PIK3C2G: variants seen among roughly 807,000 people sequenced by gnomAD.
PIK3C2G encodes phosphatidylinositol-4-phosphate 3-kinase catalytic subunit type 2 gamma.
Under a neutral mutation model 181.1 loss-of-function variants are expected in PIK3C2G, and 168 were observed. The ratio of observed to expected loss-of-function variants is 0.93; its 90% confidence interval spans 0.82 to 1.05. The LOEUF (loss-of-function observed/expected upper bound fraction) is 1.05, where lower values mean the gene tolerates loss of function less well. Ranked by LOEUF, PIK3C2G falls within the 50% of genes least tolerant of loss-of-function variation. PIK3C2G has a pLI of 0.00. For missense variants in PIK3C2G, 1,869 were observed against 1,732.8 expected (o/e 1.08, Z -1.40); for synonymous variants, 573 against 592.2 (o/e 0.97, Z 0.47).
intron 10 of PIK3C2G, among the ~76,000 whole-genome samples, chr12:18,345,633 C>G (rs1486002800): frequency 6.6e-6 from 1 of 152,122 alleles, no homozygotes; most frequent in African/African-American, 2.4e-5. Flanking sequence ...TAGCTCTTTG[C>G]ACTATTTTCA....
At chr12:18,358,701 CA>C in intron 11 of PIK3C2G, 1 of 474,960 alleles carries the variant, frequency 2.1e-6, no homozygotes, top group Non-Finnish European at 4.2e-6. Context: ...TTCCAGGAAC[CA>C]AAGAAAGAGC....
chr12:18,390,743 T>C (rs1402621528), intron 14 of PIK3C2G, among the ~76,000 whole-genome samples: 1 of 152,134 alleles, frequency 6.6e-6, no homozygotes, highest in Admixed American at 6.5e-5. Flanking sequence ...TTACCAATGT[T>C]AAATTTCATC....
the PIK3C2G span, among the ~76,000 whole-genome samples, chr12:18,684,482 C>T: frequency 6.6e-6 from 1 of 151,872 alleles, no homozygotes; most frequent in South Asian, 2.1e-4. Context: ...GGGCAATGTT[C>T]TAAGAATGGA....
chr12:18,335,046 C>A (rs146413921), intron 8 of PIK3C2G, among the ~76,000 whole-genome samples: 2 of 152,154 alleles, frequency 1.3e-5, no homozygotes, highest in East Asian at 3.9e-4. Flanking sequence ...AGAGCACAGA[C>A]GAGGGTTCAG....
chr12:18,609,396 A>G, intron 30 of PIK3C2G, 139 bp from the exon 31 acceptor site: 1 of 583,132 alleles, frequency 1.7e-6, no homozygotes. Flanking sequence ...CCTGAAGAGC[A>G]TTAAGATTCT....
intron 29 of PIK3C2G, among the ~76,000 whole-genome samples, chr12:18,580,998 C>T: frequency 6.6e-6 from 1 of 152,124 alleles, no homozygotes; most frequent in East Asian, 1.9e-4. Flanking sequence ...TGTTATATTA[C>T]ATTACTTCTG....
the PIK3C2G span, among the ~76,000 whole-genome samples, chr12:18,686,509 C>CT: frequency 6.6e-6 from 1 of 151,354 alleles, no homozygotes; most frequent in East Asian, 1.9e-4. Flanking sequence ...TATTTTAGGA[C>CT]TTGTGTTCTG....
At chr12:18,360,009 A>G (rs1565634952) in intron 11 of PIK3C2G, among the ~76,000 whole-genome samples, 1 of 151,722 alleles carries the variant, frequency 6.6e-6, no homozygotes, top group East Asian at 1.9e-4. Flanking sequence ...CATTTTGTCC[A>G]TTGTTTTCTG....
At position 18,349,261 on chromosome 12, in the gene PIK3C2G, G is replaced by A. The variant is rs914369662; in HGVS notation, c.1625+2425G>A. On this transcript the variant is annotated intron_variant, in intron 11 of 32. Transcript: ENST00000538779. ...GGGCTATCTTGGAGGCAAGACACCT[G>A]GGAAGAAACCAGGCCAGAGGTATCT... 3.9e-5 allele frequency among the ~76,000 whole-genome samples: 6 copies of A among 152,244 alleles called. No homozygotes were observed. In the East Asian group the frequency reaches 9.7e-4, roughly 25 times the overall value.
chr12:18,418,776 C>T (rs1945315130), intron 16 of PIK3C2G, among the ~76,000 whole-genome samples: 1 of 152,046 alleles, frequency 6.6e-6, no homozygotes, highest in African/African-American at 2.4e-5. Context: ...GGAACCATAA[C>T]TAAATGAGCC....
At chr12:18,329,657 T>C (rs896560160) in intron 8 of PIK3C2G, among the ~76,000 whole-genome samples, 3 of 152,074 alleles carry the variant, frequency 2.0e-5, no homozygotes, top group African/African-American at 7.2e-5. Context: ...TGGACTTCAA[T>C]TTATCTATCC....
chr12:18,404,790 G>A (rs1012105471), intron 16 of PIK3C2G, among the ~76,000 whole-genome samples: 1 of 152,068 alleles, frequency 6.6e-6, no homozygotes, highest in African/African-American at 2.4e-5. Flanking sequence ...GGCATACCAT[G>A]GAATTTTGTT....
chr12:18,530,849 C>A (rs1178110124), intron 24 of PIK3C2G, among the ~76,000 whole-genome samples: 1 of 152,076 alleles, frequency 6.6e-6, no homozygotes, highest in Admixed American at 6.6e-5. Flanking sequence ...TGAGGCCTCC[C>A]CATCCATGCC....
At chr12:18,268,817 C>T (rs529571111) in intron 1 of PIK3C2G, among the ~76,000 whole-genome samples, 20 of 152,192 alleles carry the variant, frequency 1.3e-4, no homozygotes, top group Non-Finnish European at 2.1e-4. Context: ...CTACATTTGC[C>T]TTCCAAAAAA....
At chr12:18,656,543 C>T in the PIK3C2G span, among the ~76,000 whole-genome samples, 2,779 of 151,668 alleles carry the variant, frequency 0.018, 34 homozygotes, top group Middle Eastern at 0.048. Context: ...CCAGCCTGGG[C>T]GACAGAGCGA....
intron 18 of PIK3C2G, among the ~76,000 whole-genome samples, chr12:18,469,247 A>T (rs561019769): frequency 6.6e-6 from 1 of 152,210 alleles, no homozygotes; most frequent in Non-Finnish European, 1.5e-5. Flanking sequence ...GTTGCCTGAG[A>T]GACCCATTTC....
At chr12:18,609,503 C>G (rs770658412) in intron 30 of PIK3C2G, 32 bp from the exon 31 acceptor site, 11 of 1,311,846 alleles carry the variant, frequency 8.4e-6, no homozygotes, top group Non-Finnish European at 7.5e-6. Context: ...CTTTTTCCAA[C>G]TGAACTCACT....
At chr12:18,576,419 T>C (rs1430344644) in intron 29 of PIK3C2G, among the ~76,000 whole-genome samples, 1 of 152,142 alleles carries the variant, frequency 6.6e-6, no homozygotes, top group African/African-American at 2.4e-5. Context: ...ACTCAGATTA[T>C]GTAAATCACA....
At chr12:18,572,096 T>C (rs1945975489) in intron 29 of PIK3C2G, among the ~76,000 whole-genome samples, 1 of 141,748 alleles carries the variant, frequency 7.1e-6, no homozygotes, top group Non-Finnish European at 1.5e-5. Flanking sequence ...TTCCCAATGA[T>C]ACAAGGTCCT....
Sources: allele counts gnomAD v4.1 joint callset (sites outside exome capture counted in the v4.1 genomes callset), GRCh38; gene constraint gnomAD v4.1.1; transcripts MANE v1.5; gene names NCBI Gene and HGNC (gene_info 2026-07-23, HGNC 2026-07-21).